MECOM: variants seen among roughly 807,000 people sequenced by gnomAD.
The protein encoded by MECOM is MDS1 and EVI1 complex locus.
Under a neutral mutation model 116.3 loss-of-function variants are expected in MECOM, and 13 were observed. The ratio of observed to expected loss-of-function variants is 0.11; its 90% confidence interval spans 0.07 to 0.18. The LOEUF is 0.18. MECOM is among the 10% of genes least tolerant of loss of function. The probability of loss-of-function intolerance (pLI) is 1.00; values close to 1 mark genes in which losing one functional copy is unlikely to be tolerated. For synonymous variants in MECOM, 528 were observed against 535.2 expected (o/e 0.99, Z 0.19); for missense variants, 1,299 against 1,509.0 (o/e 0.86, Z 2.31).
At chr3:169,312,599 C>G (rs1320708321) in intron 2 of MECOM, among the ~76,000 whole-genome samples, 1 of 152,198 alleles carries the variant, frequency 6.6e-6, no homozygotes, top group African/African-American at 2.4e-5. Flanking sequence ...AGGATGGTCT[C>G]GATCTCCTGA....
At chr3:169,507,953 C>G (rs1189437553) in intron 1 of MECOM, among the ~76,000 whole-genome samples, 2 of 152,098 alleles carry the variant, frequency 1.3e-5, no homozygotes, top group African/African-American at 4.8e-5. Context: ...AGCCACCGCG[C>G]CCGGCCCCAA....
chr3:169,348,074 TA>T (rs1299713328), intron 2 of MECOM, among the ~76,000 whole-genome samples: 10 of 151,302 alleles, frequency 6.6e-5, no homozygotes, highest in African/African-American at 1.9e-4. Flanking sequence ...CACTGAGCCT[TA>T]AAAAAAAATA....
chr3:169,566,562 T>G (rs1443316492), intron 1 of MECOM, among the ~76,000 whole-genome samples: 4 of 152,200 alleles, frequency 2.6e-5, no homozygotes, highest in Admixed American at 6.5e-5. Flanking sequence ...GGGGTTATTA[T>G]TTCCCCAACT....
intron 2 of MECOM, among the ~76,000 whole-genome samples, chr3:169,177,572 T>C (rs1745347264): frequency 6.6e-6 from 1 of 152,086 alleles, no homozygotes; most frequent in Non-Finnish European, 1.5e-5. Context: ...TTTCTGCATA[T>C]GTATCCGAGA....
intron 2 of MECOM, among the ~76,000 whole-genome samples, chr3:169,259,150 G>A (rs1351077977): frequency 6.6e-6 from 1 of 152,136 alleles, no homozygotes; most frequent in Non-Finnish European, 1.5e-5. Context: ...ATGTGGCCAA[G>A]GTGGCCAAGA....
intron 1 of MECOM, among the ~76,000 whole-genome samples, chr3:169,512,409 C>T (rs1756086992): frequency 6.6e-6 from 1 of 152,232 alleles, no homozygotes; most frequent in Non-Finnish European, 1.5e-5. Context: ...TTCCTCATCT[C>T]TGTGAGAGGC....
At chr3:169,500,174 A>G (rs1298768054) in intron 1 of MECOM, among the ~76,000 whole-genome samples, 1 of 152,128 alleles carries the variant, frequency 6.6e-6, no homozygotes, top group Admixed American at 6.6e-5. Flanking sequence ...ATAAAAGTCT[A>G]TCAATGGATA....
chr3:169,169,284 G>A (rs1744058424), intron 2 of MECOM, among the ~76,000 whole-genome samples: 1 of 151,832 alleles, frequency 6.6e-6, no homozygotes, highest in East Asian at 1.9e-4. Context: ...CCTTTCCCTG[G>A]GTCAGTAATA....
At chr3:169,136,872 C>G (rs1438686232) in intron 3 of MECOM, among the ~76,000 whole-genome samples, 1 of 152,088 alleles carries the variant, frequency 6.6e-6, no homozygotes. Flanking sequence ...TGATCAAACA[C>G]TGGAAGTTTT....
intron 2 of MECOM, chr3:169,147,517 G>A (rs1342294144): frequency 3.0e-6 from 3 of 985,370 alleles, no homozygotes; most frequent in Non-Finnish European, 2.4e-6. Flanking sequence ...TAAAGTGACA[G>A]CAGCCTCCTC....
intron 1 of MECOM, among the ~76,000 whole-genome samples, chr3:169,507,278 G>C (rs887614850): frequency 1.3e-5 from 2 of 152,144 alleles, no homozygotes; most frequent in East Asian, 1.9e-4. Flanking sequence ...GCCTATAAAC[G>C]CATGTAGGTA....
At chr3:169,490,897 G>GT (rs1753010536) in intron 1 of MECOM, among the ~76,000 whole-genome samples, 1 of 151,616 alleles carries the variant, frequency 6.6e-6, no homozygotes, top group Non-Finnish European at 1.5e-5. Flanking sequence ...TAAAAAAAAT[G>GT]TTTTTTTGTA....
At position 169,146,872 on chromosome 3, in the gene MECOM, A is replaced by C. The variant is rs1249447543; in HGVS notation, c.376-3040T>G. 4 of 1,029,320 alleles carry C rather than the reference A, an allele frequency of 3.9e-6. No homozygotes were observed. The African/African-American group carries it at 6.8e-5, about 18-fold the overall frequency. 63.8% of individuals were successfully genotyped at this position (1,029,320 alleles called of 1,614,324 possible). On this transcript the variant is annotated intron_variant, in intron 2 of 16. Transcript: ENST00000651503. ...CAACATTTAGAGATGTTTAAAAATA[A>C]TAATAATAATTTTTTAAAAGCCTCG...
chr3:169,656,227 T>A (rs1185357265), intron 1 of MECOM, among the ~76,000 whole-genome samples: 1 of 152,228 alleles, frequency 6.6e-6, no homozygotes, highest in African/African-American at 2.4e-5. Flanking sequence ...TTTAGGCAGG[T>A]TCTTGAACAA....
intron 2 of MECOM, among the ~76,000 whole-genome samples, chr3:169,235,925 C>CT (rs201021228): frequency 9.4e-5 from 14 of 149,276 alleles, no homozygotes; most frequent in Non-Finnish European, 1.5e-4. Flanking sequence ...AACTTACAAC[C>CT]TTTTTTTTTA....
At chr3:169,153,836 G>A (rs1178779766) in intron 2 of MECOM, among the ~76,000 whole-genome samples, 1 of 152,160 alleles carries the variant, frequency 6.6e-6, no homozygotes, top group East Asian at 1.9e-4. Flanking sequence ...GAACTGCCCT[G>A]AGTTCATGGG....
chr3:169,221,774 A>G (rs1752168079), intron 2 of MECOM, among the ~76,000 whole-genome samples: 1 of 152,072 alleles, frequency 6.6e-6, no homozygotes, highest in Non-Finnish European at 1.5e-5. Flanking sequence ...TTCATTATCT[A>G]CGTATCCACT....
At chr3:169,315,295 C>G (rs1293456826) in intron 2 of MECOM, among the ~76,000 whole-genome samples, 1 of 152,212 alleles carries the variant, frequency 6.6e-6, no homozygotes, top group African/African-American at 2.4e-5. Context: ...AAATGTGAAA[C>G]AGATGGGACC....
intron 2 of MECOM, among the ~76,000 whole-genome samples, chr3:169,158,896 G>A (rs1419102634): frequency 1.3e-5 from 2 of 152,260 alleles, no homozygotes; most frequent in Admixed American, 6.5e-5. Flanking sequence ...AAAATTTTTT[G>A]TGTGTGGTCC....
Sources: gnomAD v4.1 joint callset for allele counts (sites outside exome capture counted in the v4.1 genomes callset) on GRCh38, gnomAD v4.1.1 for gene constraint, MANE v1.5 for transcripts, NCBI Gene and HGNC (gene_info 2026-07-23, HGNC 2026-07-21) for gene names.